Variants in DCC observed in about 807,000 individuals in gnomAD.
DCC encodes DCC netrin 1 receptor, also known as netrin receptor DCC.
DCC carries 58 observed loss-of-function variants against 172.5 expected under a neutral mutation model. The observed-to-expected ratio is 0.34, with a 90% CI of 0.27 to 0.42. The LOEUF (loss-of-function observed/expected upper bound fraction) is 0.42, where lower values mean the gene tolerates loss of function less well. DCC is among the 10% of genes least tolerant of loss of function. The pLI, the probability that DCC is intolerant of heterozygous loss-of-function variation, is 1.00. For missense variants in DCC, 1,740 were observed against 1,791.0 expected, an observed-to-expected ratio of 0.97 and a Z score of 0.51; for synonymous variants, 709 against 644.5, an observed-to-expected ratio of 1.10 and a Z score of -1.52.
intron 13 of DCC, among the ~76,000 whole-genome samples, chr18:53,318,358 A>G (rs1185177901): frequency 6.6e-6 from 1 of 152,010 alleles, no homozygotes; most frequent in Non-Finnish European, 1.5e-5. Flanking sequence ...ATTTGTTATG[A>G]TTTTCATTCT....
intron 1 of DCC, among the ~76,000 whole-genome samples, chr18:52,602,454 C>T (rs946702634): frequency 1.3e-5 from 2 of 148,318 alleles, no homozygotes; most frequent in Non-Finnish European, 3.0e-5. Flanking sequence ...CTTTTAAATG[C>T]TCATTTTTCC....
intron 2 of DCC, among the ~76,000 whole-genome samples, chr18:52,904,761 C>A (rs553593480): frequency 6.6e-6 from 1 of 152,192 alleles, no homozygotes; most frequent in African/African-American, 2.4e-5. Context: ...ATGAATGGAT[C>A]AAAGTTTATT....
At chr18:52,365,719 T>C (rs537764355) in intron 1 of DCC, among the ~76,000 whole-genome samples, 1 of 152,336 alleles carries the variant, frequency 6.6e-6, no homozygotes, top group South Asian at 2.1e-4. Flanking sequence ...ACAGTATTGC[T>C]ACAGATCAGA....
chr18:52,741,025 C>T (rs4255866), intron 1 of DCC, among the ~76,000 whole-genome samples: 1,740 of 152,162 alleles, frequency 0.011, 21 homozygotes, highest in African/African-American at 0.032. Context: ...AGAAGGCTAA[C>T]GAGGGGCAGA....
chr18:53,347,687 AAAAG>A (rs1298840852), intron 15 of DCC, among the ~76,000 whole-genome samples: 2 of 152,198 alleles, frequency 1.3e-5, no homozygotes, highest in Non-Finnish European at 1.5e-5. Flanking sequence ...TGCAATTTAC[AAAAG>A]AAAGAGGTTT....
intron 1 of DCC, among the ~76,000 whole-genome samples, chr18:52,424,601 A>G (rs1987360789): frequency 6.6e-6 from 1 of 152,166 alleles, no homozygotes; most frequent in Non-Finnish European, 1.5e-5. Flanking sequence ...GTAGAGCTAA[A>G]TCAGGCTTTG....
At chr18:53,187,002 G>A (rs2055291877) in intron 9 of DCC, among the ~76,000 whole-genome samples, 1 of 152,056 alleles carries the variant, frequency 6.6e-6, no homozygotes, top group African/African-American at 2.4e-5. Flanking sequence ...GAGCCCTCAT[G>A]GCCTAATCAT....
chr18:52,712,949 G>T (rs2036319284), intron 1 of DCC, among the ~76,000 whole-genome samples: 1 of 152,136 alleles, frequency 6.6e-6, no homozygotes, highest in Non-Finnish European at 1.5e-5. Context: ...TCTTCATTCA[G>T]CCTCTCATTA....
At chr18:52,895,909 C>T (rs574642695) in intron 2 of DCC, among the ~76,000 whole-genome samples, 7 of 152,158 alleles carry the variant, frequency 4.6e-5, no homozygotes, top group African/African-American at 1.2e-4. Flanking sequence ...CTCAGCCTCC[C>T]GAGTAGCTGG....
chr18:53,093,958 T>G (rs2043049017), intron 7 of DCC, among the ~76,000 whole-genome samples: 1 of 152,210 alleles, frequency 6.6e-6, no homozygotes, highest in Non-Finnish European at 1.5e-5. Context: ...TGAGTCAGTC[T>G]GACAGAATAA....
rs2046525189 is a variant in DCC at position 53,531,527 on chromosome 18, C to T, written c.*874C>T. The T allele has an allele frequency of 6.6e-6, 1 of 152,660 alleles. No individual in the cohort carries two copies. Among genetic ancestry groups the T allele is most frequent in the Non-Finnish European group, 1.5e-5 (1 of 68,114 alleles). 9.5% of individuals were successfully genotyped at this position (152,660 alleles called of 1,614,324 possible). A position where few individuals can be genotyped will look rare whatever the true frequency, so the allele number is the denominator to read the frequency against. ...TCAAAGCTTCACTAAGGCCATCTTC[C>T]TTAGGAGTTTGGCCAGAAGAATGCC... On this transcript the variant is annotated 3_prime_UTR_variant, in exon 29 of 29. Transcript: ENST00000442544.
chr18:52,714,500 T>C (rs1030155984), intron 1 of DCC, among the ~76,000 whole-genome samples: 1 of 152,120 alleles, frequency 6.6e-6, no homozygotes, highest in Admixed American at 6.5e-5. Flanking sequence ...ACACAGAACA[T>C]AGGTAGAAGG....
intron 7 of DCC, among the ~76,000 whole-genome samples, chr18:53,144,329 T>A (rs1018083804): frequency 2.0e-5 from 3 of 152,210 alleles, no homozygotes; most frequent in Non-Finnish European, 4.4e-5. Context: ...ATTAGTCTGT[T>A]CTCATGCTGC....
chr18:52,730,723 G>T (rs1467483544), intron 1 of DCC, among the ~76,000 whole-genome samples: 1 of 152,144 alleles, frequency 6.6e-6, no homozygotes. Flanking sequence ...GAGAGACCTG[G>T]AAGACAAACT....
rs774725637 is a variant in DCC, at chr18:52,923,900, T to A, written c.848+43T>A. 1.8e-5 allele frequency: 25 copies of A among 1,368,304 alleles called. No individual in the cohort carries two copies. In the East Asian group the frequency reaches 5.7e-4, roughly 31 times the overall value. 84.8% of individuals were successfully genotyped at this position (1,368,304 alleles called of 1,614,324 possible). A position where few individuals can be genotyped will look rare whatever the true frequency, so the allele number is the denominator to read the frequency against. On this transcript the variant is annotated intron_variant, in intron 4 of 28. Transcript: ENST00000442544. ...CTTTTTTGTAAAGTGTACTTTTGTA[T>A]GGTATATGCTGCTATTTATATTTCT...
intron 5 of DCC, among the ~76,000 whole-genome samples, chr18:53,013,765 A>G (rs1269269656): frequency 6.6e-6 from 1 of 152,090 alleles, no homozygotes; most frequent in Non-Finnish European, 1.5e-5. Context: ...TTCTCAAGAA[A>G]TATGTCATAT....
chr18:53,015,014 G>A (rs577445115), intron 5 of DCC, among the ~76,000 whole-genome samples: 1 of 152,238 alleles, frequency 6.6e-6, no homozygotes, highest in South Asian at 2.1e-4. Flanking sequence ...ACTCTACTAA[G>A]GGAAGGAAAA....
At chr18:52,561,437 G>A (rs1441910263) in intron 1 of DCC, among the ~76,000 whole-genome samples, 1 of 151,500 alleles carries the variant, frequency 6.6e-6, no homozygotes, top group African/African-American at 2.4e-5. Context: ...GTGTGTGTAT[G>A]TCTATGTGCT....
At chr18:52,610,171 A>T (rs1568254117) in intron 1 of DCC, among the ~76,000 whole-genome samples, 2 of 24,868 alleles carry the variant, frequency 8.0e-5, no homozygotes, top group Non-Finnish European at 1.4e-4. Context: ...AAAAAAAAAA[A>T]AAAAAAAATA....
Sources: allele counts gnomAD v4.1 joint callset (sites outside exome capture counted in the v4.1 genomes callset), GRCh38; gene constraint gnomAD v4.1.1; transcripts MANE v1.5; gene names NCBI Gene and HGNC (gene_info 2026-07-23, HGNC 2026-07-21).